PHACTR1: variants seen among roughly 807,000 people sequenced by gnomAD.
PHACTR1 encodes the protein RPEL repeat containing 1.
A neutral mutation model predicts 69.2 loss-of-function variants in PHACTR1; 16 were observed. The observed-to-expected ratio is 0.23, with a 90% confidence interval of 0.16 to 0.35. The LOEUF is 0.35. Among genes scored for constraint, PHACTR1 ranks in the 10% least tolerant of loss-of-function variants. PHACTR1 has a pLI of 1.00. For synonymous variants in PHACTR1, 312 were observed against 284.5 expected, an observed-to-expected ratio of 1.10 and a Z score of -0.97; for missense variants, 510 against 734.7, an observed-to-expected ratio of 0.69 and a Z score of 3.54.
intron 5 of PHACTR1, among the ~76,000 whole-genome samples, chr6:13,094,823 A>G (rs1319977042): frequency 6.6e-6 from 1 of 152,220 alleles, no homozygotes; most frequent in East Asian, 1.9e-4. Flanking sequence ...AAAAATATGC[A>G]ACATTATTTA....
At position 12,848,613 on chromosome 6, in the gene PHACTR1, A is replaced by C. The variant is rs138444164; in HGVS notation, c.250+98823A>C. 2.3e-3 allele frequency among the ~76,000 whole-genome samples: 358 copies of C among 152,356 alleles called. 4 individuals carry two copies. Among genetic ancestry groups the C allele is most frequent in the African/African-American group, 8.2e-3 (339 of 41,584 alleles). ...CCTGAAGATTATCTCACTTTAAATG[A>C]CATTTAATAGGTTTTTCTTCCACAT... On this transcript the variant is annotated intron_variant, in intron 4 of 14. Transcript: ENST00000332995.
intron 5 of PHACTR1, among the ~76,000 whole-genome samples, chr6:13,124,127 G>T (rs1753561): frequency 0.96 from 146,574 of 152,018 alleles, 70,812 homozygotes; most frequent in Non-Finnish European, 0.99. Context: ...TGCAGAGAGC[G>T]AGGTTATAAG....
Position 13,238,991 on chromosome 6 carries a change from C to T in PHACTR1, c.1391+8798C>T, listed in dbSNP as rs997885710. Among the ~76,000 whole-genome samples, 94 of 152,114 alleles carry T rather than the reference C, an allele frequency of 6.2e-4. 1 individual carries two copies. The highest frequency in any genetic ancestry group is 4.6e-4 in the Admixed American group (7 of 15,268). ...TGTAGGCCTAGCCCTTGAGGTTGTG[C>T]GCCATTATCATCACCATCATCATCC... On this transcript the variant is annotated intron_variant, in intron 10 of 14. Transcript: ENST00000332995.
At chr6:12,759,174 C>T (rs1277602933) in intron 4 of PHACTR1, among the ~76,000 whole-genome samples, 1 of 147,222 alleles carries the variant, frequency 6.8e-6, no homozygotes, top group East Asian at 2.0e-4. Context: ...GTGAGAAATG[C>T]ACTTTATGGC....
chr6:13,140,221 G>A (rs1259413738), intron 5 of PHACTR1, among the ~76,000 whole-genome samples: 2 of 152,146 alleles, frequency 1.3e-5, no homozygotes, highest in African/African-American at 4.8e-5. Context: ...GGAAAGCAGT[G>A]AGGCATTTCC....
At chr6:12,890,627 G>C (rs530820509) in intron 4 of PHACTR1, among the ~76,000 whole-genome samples, 1 of 152,088 alleles carries the variant, frequency 6.6e-6, no homozygotes. Flanking sequence ...TGCTCTAGGC[G>C]TTCGGTTTCC....
chr6:12,873,512 T>C (rs989067702), intron 4 of PHACTR1, among the ~76,000 whole-genome samples: 1 of 151,958 alleles, frequency 6.6e-6, no homozygotes, highest in Non-Finnish European at 1.5e-5. Context: ...TTTAAGTCCC[T>C]CAGAAGTTAG....
At chr6:13,230,219 C>A (rs753312166) in intron 10 of PHACTR1, 26 bp downstream of exon 10, 2 of 1,595,000 alleles carry the variant, frequency 1.3e-6, no homozygotes, top group Non-Finnish European at 1.7e-6. Flanking sequence ...CCTCTGCCTC[C>A]CTGGCAGTGG....
intron 4 of PHACTR1, among the ~76,000 whole-genome samples, chr6:12,754,566 G>C (rs1449842684): frequency 2.0e-5 from 3 of 152,118 alleles, no homozygotes; most frequent in African/African-American, 7.2e-5. Context: ...GCTATATATA[G>C]TTAGAGCTAG....
intron 5 of PHACTR1, among the ~76,000 whole-genome samples, chr6:13,077,184 A>G (rs1810634404): frequency 7.3e-6 from 1 of 137,884 alleles, no homozygotes. Flanking sequence ...CAAAAAAAAA[A>G]AAAAAAGTGA....
chr6:13,157,471 G>T (rs995975464), intron 5 of PHACTR1, among the ~76,000 whole-genome samples: 1 of 152,318 alleles, frequency 6.6e-6, no homozygotes, highest in South Asian at 2.1e-4. Flanking sequence ...AGCCCCAGCC[G>T]GTGCCTTTGA....
At chr6:12,992,706 G>A (rs1428396210) in intron 4 of PHACTR1, among the ~76,000 whole-genome samples, 1 of 152,132 alleles carries the variant, frequency 6.6e-6, no homozygotes. Context: ...AAGAGCAGAG[G>A]TTTGATAGGC....
chr6:13,149,822 T>G (rs1824029620), intron 5 of PHACTR1, among the ~76,000 whole-genome samples: 1 of 129,242 alleles, frequency 7.7e-6, no homozygotes, highest in Admixed American at 8.1e-5. Context: ...TACGAGATTT[T>G]TTTTTGCGAT....
intron 6 of PHACTR1, 56 bp downstream of exon 6, chr6:13,160,340 T>G: frequency 1.4e-6 from 2 of 1,429,924 alleles, no homozygotes; most frequent in Non-Finnish European, 2.0e-6. Context: ...GGAATCTGCA[T>G]GCATATTGCT....
chr6:12,740,888 C>A (rs1377619198), intron 3 of PHACTR1, among the ~76,000 whole-genome samples: 1 of 151,778 alleles, frequency 6.6e-6, no homozygotes, highest in Non-Finnish European at 1.5e-5. Context: ...TGATTCATAT[C>A]TTTTTTTAAT....
Position 12,833,125 on chromosome 6 carries a change from C to T in PHACTR1, c.250+83335C>T, listed in dbSNP as rs565230190. Among the ~76,000 whole-genome samples the T allele has an allele frequency of 9.2e-5, 14 of 152,178 alleles. No homozygotes were observed. In the South Asian group the frequency reaches 2.7e-3, roughly 29 times the overall value. The stretch of plus-strand genomic sequence containing the variant: ...CTTCCCACTGTGAGGTGCCTCCTGC[C>T]TCTGGAATGCTGTGATGTAGAGGAA... On this transcript the variant is annotated intron_variant, in intron 4 of 14. Transcript: ENST00000332995.
intron 4 of PHACTR1, among the ~76,000 whole-genome samples, chr6:12,762,997 TGAGGTTAGGAGTTCGA>T (rs1168224066): frequency 4.6e-5 from 7 of 152,142 alleles, no homozygotes; most frequent in African/African-American, 1.7e-4. Context: ...GTGGATCACC[TGAGGTTAGGAGTTCGA>T]GACCAGCCTG....
At chr6:12,926,716 T>C (rs908755143) in intron 4 of PHACTR1, among the ~76,000 whole-genome samples, 1 of 152,194 alleles carries the variant, frequency 6.6e-6, no homozygotes, top group Admixed American at 6.5e-5. Context: ...CCCAACAGGA[T>C]TTATAGAGTG....
chr6:12,724,333 T>A (rs2127561511), intron 3 of PHACTR1, among the ~76,000 whole-genome samples: 1 of 152,016 alleles, frequency 6.6e-6, no homozygotes, highest in East Asian at 1.9e-4. Context: ...TCTCAAAAAA[T>A]AAATAAATAT....
Sources: allele counts gnomAD v4.1 joint callset (sites outside exome capture counted in the v4.1 genomes callset), GRCh38; gene constraint gnomAD v4.1.1; transcripts MANE v1.5; gene names NCBI Gene and HGNC (gene_info 2026-07-23, HGNC 2026-07-21).